The following ZNF512B variants were observed in gnomAD, a reference collection of about 807,000 sequenced individuals.
The protein encoded by ZNF512B is zinc finger protein 512B.
Under a neutral mutation model 87.8 loss-of-function variants are expected in ZNF512B, and 22 were observed. The observed-to-expected ratio is 0.25, with a 90% CI of 0.18 to 0.36. The LOEUF (loss-of-function observed/expected upper bound fraction) is 0.36. Ranked by LOEUF, ZNF512B falls within the 10% of genes least tolerant of loss-of-function variation. The pLI, the probability that ZNF512B is intolerant of heterozygous loss-of-function variation, is 1.00. For synonymous variants in ZNF512B, 524 were observed against 490.9 expected, an observed-to-expected ratio of 1.07 and a Z score of -0.89; for missense variants, 1,060 against 1,231.6, an observed-to-expected ratio of 0.86 and a Z score of 2.09.
intron 5 of ZNF512B, 32 bp downstream of exon 5, chr20:63,966,109 G>T (rs1463451923): frequency 1.6e-6 from 1 of 634,256 alleles, no homozygotes; most frequent in East Asian, 2.4e-5. Context: ...TCTTACCACT[G>T]TTCCTCCCCG....
In ZNF512B at chr20:63,961,864, G is replaced by T. The variant is rs944801987; in HGVS notation, c.2328+78C>A. ...GGACAAGGCAGGGTCCCTCACTACT[G>T]TGTGGGAAGCCCGCGTGGGGTGAGC... On this transcript the variant is annotated intron_variant, in intron 15 of 16. Transcript: ENST00000369888. The surrounding 1 kb of genome is among the most constrained non-coding windows in gnomAD (Gnocchi z 6.4). 4 of 1,447,358 alleles carry T rather than the reference G, an allele frequency of 2.8e-6. No individual in the cohort carries two copies. Among genetic ancestry groups the T allele is most frequent in the Non-Finnish European group, 3.8e-6 (4 of 1,054,402 alleles). The allele number at this position is 1,447,358 out of a possible 1,614,324, so 89.7% of individuals were successfully genotyped here.
Position 63,961,295 on chromosome 20 carries a change from G to A in ZNF512B, c.2427+14C>T. On this transcript the variant is annotated intron_variant, in intron 16 of 16. Coordinates refer to ENST00000369888, the MANE Select transcript of ZNF512B (RefSeq NM_020713.3). The surrounding 1 kb of genome is among the most constrained non-coding windows in gnomAD (Gnocchi z 6.4). ...CTAGCCCCCAGCCACAGGCCCTGGT[G>A]ATGGCCCTCGCACCTCTGCGTGGGT... The A allele has an allele frequency of 6.2e-7, 1 of 1,610,846 alleles. No individual in the cohort carries two copies. The highest frequency in any genetic ancestry group is 8.5e-7 in the Non-Finnish European group (1 of 1,179,488).
chr20:63,967,638 G>C, intron 2 of ZNF512B, 115 bp from the exon 3 acceptor site: 1 of 1,483,966 alleles, frequency 6.7e-7, no homozygotes, highest in East Asian at 2.3e-5. Flanking sequence ...GGGGGCAGGG[G>C]CTGCGGCCAG....
rs1479498768 is a variant in ZNF512B, at chr20:63,963,334, C to T, written c.1797+8G>A. On this transcript the variant is annotated splice_region_variant and intron_variant, in intron 11 of 16. Coordinates refer to ENST00000369888, the MANE Select transcript of ZNF512B (RefSeq NM_020713.3). ...CCCCACCCCACACTGCCGCGGCCCC[C>T]CACTGACCTCCTGGGGGCAGCGCAG... 2 of 1,539,878 alleles carry T rather than the reference C, an allele frequency of 1.3e-6. No individual in the cohort carries two copies. The highest frequency in any genetic ancestry group is 2.0e-5 in the Admixed American group (1 of 51,238).
At position 63,961,982 on chromosome 20, in the gene ZNF512B, C is replaced by G. The variant is rs2058857180; in HGVS notation, c.2288G>C (p.Ser763Thr). Residue 763 changes from serine (S) to threonine (T), a missense_variant, in exon 15 of 17, where the codon AGC becomes ACC. Coordinates refer to ENST00000369888, the MANE Select transcript of ZNF512B (RefSeq NM_020713.3). This position sits in a 1 kb window ranked among gnomAD's most constrained non-coding sequence, Gnocchi z 6.4. ...PNDCCEAIYSSVSGLKAHLAS... is the reference protein window; with the variant it reads ...PNDCCEAIYSTVSGLKAHLAS... Reference sequence around the variant, plus strand: ...GAGATGAGCCTTGAGTCCGGACACGCTGGAGTAGATGGCTTCACAGCACTG... The same window carrying G: ...GAGATGAGCCTTGAGTCCGGACACGGTGGAGTAGATGGCTTCACAGCACTG... The G allele has an allele frequency of 6.4e-7, 1 of 1,551,070 alleles. No homozygotes were observed. The highest frequency in any genetic ancestry group is 8.7e-7 in the Non-Finnish European group (1 of 1,146,918).
In ZNF512B at chr20:63,962,842, C is replaced by T. The variant is rs115583563; in HGVS notation, c.1969-61G>A. ...CGCGGGAGCAAGAGTCAGGTCAGCG[C>T]GCGGCGAGGCCACCCTAAGGCCGGT... On this transcript the variant is annotated intron_variant, in intron 12 of 16. Coordinates refer to ENST00000369888, the MANE Select transcript of ZNF512B (RefSeq NM_020713.3). 1.5e-3 allele frequency: 2,181 copies of T among 1,472,980 alleles called. 19 individuals carry two copies. In the African/African-American group the frequency reaches 0.021, roughly 14 times the overall value. 91.2% of individuals were successfully genotyped at this position (1,472,980 alleles called of 1,614,324 possible). A position where few individuals can be genotyped will look rare whatever the true frequency, so the allele number is the denominator to read the frequency against.
At position 63,959,587 on chromosome 20, in the gene ZNF512B, C is replaced by A. The variant is rs1051268423; in HGVS notation, c.*301G>T. On this transcript the variant is annotated 3_prime_UTR_variant, in exon 17 of 17. Transcript: ENST00000369888. ...GGCCAAAGGCCATCTGCCTACTCTG[C>A]GCTGCAGCCCCTGTGGCACCAAGAC... 6 of 420,228 alleles carry A rather than the reference C, an allele frequency of 1.4e-5. No individual in the cohort carries two copies. The allele number at this position is 420,228 out of a possible 1,614,324, so 26.0% of individuals were successfully genotyped here.
chr20:63,964,511 C>A lies in ZNF512B; in HGVS notation c.1240G>T (p.Asp414Tyr), dbSNP rs780850859. The change falls in exon 6 of 17, where the codon GAC becomes TAC. Residue 414 changes from aspartate (D) to tyrosine (Y), a missense_variant. Coordinates refer to ENST00000369888, the MANE Select transcript of ZNF512B (RefSeq NM_020713.3). ...TTACTGTGCTTTGTGCGCTCCGGGTCCTCCTCAGGCGGGGACGCAGGGCCT... is the reference window on the plus strand; with the variant it reads ...TTACTGTGCTTTGTGCGCTCCGGGTACTCCTCAGGCGGGGACGCAGGGCCT... ...AAGPASPPEE[D>Y]PERTKHRRKQ... 1 of 1,612,766 alleles carries A rather than the reference C, an allele frequency of 6.2e-7. No individual in the cohort carries two copies. The highest frequency in any genetic ancestry group is 8.5e-7 in the Non-Finnish European group (1 of 1,179,882).
chr20:63,967,579 C>T (rs1477323054), intron 2 of ZNF512B, 56 bp from the exon 3 acceptor site: 12 of 1,531,282 alleles, frequency 7.8e-6, no homozygotes, highest in Non-Finnish European at 9.7e-6. Context: ...CTACCACCGG[C>T]GGCTGCACAG....
chr20:63,963,073 C>T, intron 12 of ZNF512B, 22 bp downstream of exon 12: 1 of 1,533,636 alleles, frequency 6.5e-7, no homozygotes, highest in Non-Finnish European at 8.7e-7. Context: ...AGCACTGTGC[C>T]ACAGAACAGA....
chr20:63,967,062 C>A, intron 3 of ZNF512B, 58 bp from the exon 4 acceptor site: 5 of 1,605,202 alleles, frequency 3.1e-6, no homozygotes, highest in Non-Finnish European at 3.4e-6. Flanking sequence ...ACTGCCAGCC[C>A]GAGCCCCAGA....
chr20:63,969,879 G>A lies in ZNF512B; in HGVS notation c.-68C>T, dbSNP rs932484703. 1 of 145,904 alleles carries A rather than the reference G, an allele frequency of 6.9e-6. No individual in the cohort carries two copies. Among genetic ancestry groups the A allele is most frequent in the African/African-American group, 2.5e-5 (1 of 40,686 alleles). 9.0% of individuals were successfully genotyped at this position (145,904 alleles called of 1,614,324 possible). On this transcript the variant is annotated 5_prime_UTR_variant, in exon 1 of 17. Transcript: ENST00000369888. ...CGGGGCGGGGGGCGCGGGGCGCGGG[G>A]CGCTGGGTCCGGGCGGCGCAGGCTG...
In ZNF512B at chr20:63,960,014, C is replaced by T; in HGVS notation, c.2553G>A (p.Arg851=). 1 of 1,613,580 alleles carries T rather than the reference C, an allele frequency of 6.2e-7. No homozygotes were observed. The highest frequency in any genetic ancestry group is 1.3e-5 in the African/African-American group (1 of 75,072). ...GKKRGRKPKE[R]TPEEPVAKLP... is the part of the protein sequence containing the mutation. ...GCTTGGCCACAGGCTCCTCTGGGGT[C>T]CGCTCCTTGGGCTTTCGGCCCCGCT... is the stretch of plus-strand genomic sequence containing the variant. Residue 851 remains arginine (R), a synonymous_variant, in exon 17 of 17, where the codon CGG becomes CGA. Coordinates refer to ENST00000369888, the MANE Select transcript of ZNF512B (RefSeq NM_020713.3).
Position 63,961,642 on chromosome 20 carries a change from C to A in ZNF512B, c.2329-235G>T, listed in dbSNP as rs1330404109. Among the ~76,000 whole-genome samples, 1 of 152,102 alleles carries A rather than the reference C, an allele frequency of 6.6e-6. No individual in the cohort carries two copies. The highest frequency in any genetic ancestry group is 1.5e-5 in the Non-Finnish European group (1 of 68,016). On this transcript the variant is annotated intron_variant, in intron 15 of 16. Coordinates refer to ENST00000369888, the MANE Select transcript of ZNF512B (RefSeq NM_020713.3). This position sits in a 1 kb window ranked among gnomAD's most constrained non-coding sequence, Gnocchi z 6.4. ...GAGTTGCAGACCTTTGCCGAGCATC[C>A]CTTATTGTAAGCCAGTGTGCCATCT...
Position 63,961,649 on chromosome 20 carries a change from G to T in ZNF512B, c.2329-242C>A, listed in dbSNP as rs1248485210. ...AGACCTTTGCCGAGCATCCCTTATT[G>T]TAAGCCAGTGTGCCATCTGCGTGGG... On this transcript the variant is annotated intron_variant, in intron 15 of 16. Coordinates refer to ENST00000369888, the MANE Select transcript of ZNF512B (RefSeq NM_020713.3). This position sits in a 1 kb window ranked among gnomAD's most constrained non-coding sequence, Gnocchi z 6.4. Among the ~76,000 whole-genome samples, 1 of 152,064 alleles carries T rather than the reference G, an allele frequency of 6.6e-6. No individual in the cohort carries two copies. Among genetic ancestry groups the T allele is most frequent in the Non-Finnish European group, 1.5e-5 (1 of 68,002 alleles).
Position 63,963,193 on chromosome 20 carries a change from C to T in ZNF512B, c.1870G>A (p.Glu624Lys), listed in dbSNP as rs900615074. Residue 624 changes from glutamate to lysine, a missense_variant, in exon 12 of 17, where the codon GAG (glutamate) becomes AAG (lysine). This residue lies in a region of ZNF512B where 165 missense variants were observed against 173.0 expected (regional missense o/e 0.95). Coordinates refer to ENST00000369888, the MANE Select transcript of ZNF512B (RefSeq NM_020713.3). ...CAGGGGAAGGAGGGGCTGTCCACCT[C>T]GCAGGGCGGCTTCCCGCAGCGCCGC... ...HQRRCGKPPC[E>K]VDSPSFPCTH... The T allele has an allele frequency of 2.0e-5, 31 of 1,546,988 alleles. No homozygotes were observed. The highest frequency in any genetic ancestry group is 2.4e-5 in the Non-Finnish European group (28 of 1,150,730).
Position 63,960,479 on chromosome 20 carries a change from C to T in ZNF512B, c.2428-340G>A, listed in dbSNP as rs187576799. Among the ~76,000 whole-genome samples the T allele has an allele frequency of 1.1e-3, 163 of 144,442 alleles. 1 individual carries two copies. Among genetic ancestry groups the T allele is most frequent in the African/African-American group, 3.9e-3 (149 of 38,494 alleles). 94.8% of individuals were successfully genotyped at this position (144,442 alleles called of 152,430 possible). ...AGCACCTGCAGCAGGGGGCTGGACA[C>T]AGCCTTCAGGACCAGGCAGGCACCT... On this transcript the variant is annotated intron_variant, in intron 16 of 16. Transcript: ENST00000369888.
Position 63,963,096 on chromosome 20 carries a change from G to A in ZNF512B, c.1967C>T (p.Pro656Leu). 6.4e-7 allele frequency: 1 copy of A among 1,554,602 alleles called. No individual in the cohort carries two copies. The highest frequency in any genetic ancestry group is 8.6e-7 in the Non-Finnish European group (1 of 1,156,718). ...DYHVRSEHTA[P>L]PPEEPTDKSP... Reference sequence around the variant, plus strand: ...GCCACAGAACAGAGAGCCACTCACGGGGGCCGTGTGCTCCGAGCGCACGTG... The same window carrying A: ...GCCACAGAACAGAGAGCCACTCACGAGGGCCGTGTGCTCCGAGCGCACGTG... The change falls in exon 12 of 17, where the codon CCC becomes CTC. Residue 656 changes from proline to leucine, a missense_variant and splice_region_variant. Pro to Leu is a moderately conservative substitution (Grantham distance 98). Transcript: ENST00000369888.
At chr20:63,962,077 C>T (rs1247152083) in intron 14 of ZNF512B, 73 bp from the exon 15 acceptor site, 5 of 1,501,804 alleles carry the variant, frequency 3.3e-6, no homozygotes, top group Non-Finnish European at 3.6e-6. Context: ...TGCCCTACCC[C>T]AGGGGATCTC....
Sources: gnomAD v4.1 joint callset for allele counts (sites outside exome capture counted in the v4.1 genomes callset) on GRCh38, gnomAD v4.1.1 for gene constraint, gnomAD v4.1.1 regional missense constraint, Gnocchi (gnomAD v3.1) non-coding constraint, MANE v1.5 for transcripts, NCBI Gene and HGNC (gene_info 2026-07-23, HGNC 2026-07-21) for gene names.